The following C8orf34 variants were observed in gnomAD, a reference collection of about 807,000 sequenced individuals.
C8orf34 encodes chromosome 8 open reading frame 34.
Under a neutral mutation model 68.3 loss-of-function variants are expected in C8orf34, and 65 were observed. The observed-to-expected ratio is 0.95, with a 90% confidence interval of 0.78 to 1.17. C8orf34 has a LOEUF of 1.17. Among genes scored for constraint, C8orf34 ranks in the 50% most tolerant of loss-of-function variants. C8orf34 has a pLI of 0.00. For synonymous variants in C8orf34, 244 were observed against 241.2 expected (o/e 1.01, Z -0.11); for missense variants, 664 against 655.4 (o/e 1.01, Z -0.14).
At chr8:68,771,822 C>T (rs1031047988) in intron 10 of C8orf34, among the ~76,000 whole-genome samples, 5 of 152,056 alleles carry the variant, frequency 3.3e-5, no homozygotes, top group Non-Finnish European at 4.4e-5. Flanking sequence ...CTGACTTTTT[C>T]CCATAGCATC....
intron 12 of C8orf34, among the ~76,000 whole-genome samples, chr8:68,815,332 G>A (rs1824776634): frequency 6.6e-6 from 1 of 151,726 alleles, no homozygotes. Flanking sequence ...TATAGTGTGT[G>A]TGCATATATA....
intron 8 of C8orf34, among the ~76,000 whole-genome samples, chr8:68,663,111 C>A (rs1819731635): frequency 6.6e-6 from 1 of 152,172 alleles, no homozygotes; most frequent in South Asian, 2.1e-4. Flanking sequence ...ATCATAGAAA[C>A]TCTTACTAGA....
intron 1 of C8orf34, among the ~76,000 whole-genome samples, chr8:68,382,203 A>T (rs185543511): frequency 7.2e-5 from 11 of 152,312 alleles, no homozygotes; most frequent in African/African-American, 2.4e-4. Flanking sequence ...CGTAGATCTG[A>T]TTACTTCCTA....
chr8:68,611,808 C>G (rs894879875), intron 7 of C8orf34, among the ~76,000 whole-genome samples: 5 of 152,084 alleles, frequency 3.3e-5, no homozygotes, highest in Admixed American at 2.6e-4. Flanking sequence ...AGTTAAGTCT[C>G]CAGCTTCAAT....
chr8:68,679,366 C>T (rs1820294419), intron 8 of C8orf34, among the ~76,000 whole-genome samples: 1 of 151,728 alleles, frequency 6.6e-6, no homozygotes, highest in African/African-American at 2.4e-5. Flanking sequence ...ATTAACTTAA[C>T]CAAAGAAGTG....
chr8:68,538,986 T>C (rs1815596435), intron 7 of C8orf34, among the ~76,000 whole-genome samples: 1 of 152,156 alleles, frequency 6.6e-6, no homozygotes, highest in Non-Finnish European at 1.5e-5. Context: ...ATTTGTACTA[T>C]ATGTTTACAT....
At chr8:68,699,577 C>T (rs1221346810) in intron 8 of C8orf34, among the ~76,000 whole-genome samples, 5 of 152,072 alleles carry the variant, frequency 3.3e-5, no homozygotes, top group Admixed American at 3.3e-4. Flanking sequence ...TCATATCTGC[C>T]TGGAAAATCT....
intron 7 of C8orf34, among the ~76,000 whole-genome samples, chr8:68,567,287 T>G (rs1816620033): frequency 1.3e-5 from 2 of 152,184 alleles, no homozygotes; most frequent in Admixed American, 1.3e-4. Flanking sequence ...ATTTTTAAAT[T>G]ACCATTTCAA....
At chr8:68,688,308 G>A (rs898268713) in intron 8 of C8orf34, among the ~76,000 whole-genome samples, 8 of 152,046 alleles carry the variant, frequency 5.3e-5, no homozygotes, top group South Asian at 2.1e-4. Flanking sequence ...ATACACTCAC[G>A]TTTATTGCAG....
At chr8:68,659,413 C>G (rs1819604745) in intron 8 of C8orf34, among the ~76,000 whole-genome samples, 1 of 152,128 alleles carries the variant, frequency 6.6e-6, no homozygotes, top group South Asian at 2.1e-4. Context: ...TGTTTTTAAT[C>G]TCCTGTTTGT....
intron 5 of C8orf34, among the ~76,000 whole-genome samples, chr8:68,499,070 C>G (rs962164550): frequency 5.9e-5 from 9 of 152,212 alleles, no homozygotes; most frequent in African/African-American, 2.2e-4. Flanking sequence ...CAGCCCTTGC[C>G]CCTCTCTTTC....
intron 5 of C8orf34, among the ~76,000 whole-genome samples, chr8:68,519,799 A>C (rs897482516): frequency 6.6e-6 from 1 of 152,182 alleles, no homozygotes; most frequent in Admixed American, 6.5e-5. Flanking sequence ...TAGGCTTTAT[A>C]ATTCTTATCA....
intron 1 of C8orf34, among the ~76,000 whole-genome samples, chr8:68,414,640 C>A (rs1444775665): frequency 6.6e-6 from 1 of 152,092 alleles, no homozygotes; most frequent in Non-Finnish European, 1.5e-5. Flanking sequence ...CCTCAGAGAA[C>A]TGCACGGGTA....
At chr8:68,419,900 G>A (rs1373249064) in intron 1 of C8orf34, among the ~76,000 whole-genome samples, 1 of 148,536 alleles carries the variant, frequency 6.7e-6, no homozygotes, top group Non-Finnish European at 1.5e-5. Context: ...AGTGGGTGCA[G>A]CACACCAGCA....
chr8:68,665,007 C>G (rs1029992690), intron 8 of C8orf34, among the ~76,000 whole-genome samples: 3 of 152,032 alleles, frequency 2.0e-5, no homozygotes, highest in Non-Finnish European at 2.9e-5. Flanking sequence ...AAGAATTATC[C>G]AACTACATGA....
chr8:68,806,751 T>C (rs1286097201), intron 12 of C8orf34, among the ~76,000 whole-genome samples: 1 of 152,226 alleles, frequency 6.6e-6, no homozygotes. Context: ...TTGTTCTCTT[T>C]TGAGTCTTGT....
intron 1 of C8orf34, among the ~76,000 whole-genome samples, chr8:68,369,530 T>C (rs1250741951): frequency 6.6e-6 from 1 of 152,224 alleles, no homozygotes; most frequent in Non-Finnish European, 1.5e-5. Flanking sequence ...GGAAAGAATA[T>C]AATGTATCAG....
chr8:68,519,506 A>C (rs1219021824), intron 5 of C8orf34, among the ~76,000 whole-genome samples: 1 of 152,196 alleles, frequency 6.6e-6, no homozygotes, highest in African/African-American at 2.4e-5. Flanking sequence ...CAATAAAAGA[A>C]GTATAGGAAT....
In C8orf34 at chr8:68,529,041, AT is replaced by A. The variant is rs369903871; in HGVS notation, c.939-3940del. The stretch of plus-strand genomic sequence containing the variant: ...ATCACTTCTCTTCATTCCCTGCACC[AT>A]TCCTTTCTCCTAGCTCATTCCCCTC... On this transcript the variant is annotated intron_variant, in intron 6 of 13. Transcript: ENST00000518698. 1.4e-4 allele frequency among the ~76,000 whole-genome samples: 21 copies of A among 152,240 alleles called. No individual in the cohort carries two copies. The East Asian group carries it at 3.7e-3, about 27-fold the overall frequency.
Sources: gnomAD v4.1 joint callset for allele counts (sites outside exome capture counted in the v4.1 genomes callset) on GRCh38, gnomAD v4.1.1 for gene constraint, MANE v1.5 for transcripts, NCBI Gene and HGNC (gene_info 2026-07-23, HGNC 2026-07-21) for gene names.